The following DCC variants were observed in gnomAD, a reference collection of about 807,000 sequenced individuals.
The protein encoded by DCC is netrin receptor DCC.
A neutral mutation model predicts 172.5 loss-of-function variants in DCC; 58 were observed. That is an observed-to-expected ratio of 0.34 (90% CI 0.27 to 0.42). The LOEUF is 0.42. Among genes scored for constraint, DCC ranks in the 10% least tolerant of loss-of-function variants. The pLI is 1.00. For missense variants in DCC, 1,740 were observed against 1,791.0 expected, an observed-to-expected ratio of 0.97 and a Z score of 0.51; for synonymous variants, 709 against 644.5, an observed-to-expected ratio of 1.10 and a Z score of -1.52.
chr18:53,099,954 TTTTTTTG>T lies in DCC; in HGVS notation c.1261+33792_1261+33798del, dbSNP rs1568304508. ...TCTTTTCTTTCTTTCTTTTTTTTTT[TTTTTTTG>T]TTTGAGACAGAGTCTTGCTTTGTTG... On this transcript the variant is annotated intron_variant, in intron 7 of 28. Transcript: ENST00000442544. Among the ~76,000 whole-genome samples the T allele has an allele frequency of 7.4e-4, 99 of 133,196 alleles. 4 individuals are homozygous for T. Among genetic ancestry groups the T allele is most frequent in the African/African-American group, 2.9e-3 (93 of 32,600 alleles). The allele number at this position is 133,196 out of a possible 152,430, so 87.4% of individuals were successfully genotyped here.
chr18:52,629,971 AAAAAATT>A (rs1314628520), intron 1 of DCC, among the ~76,000 whole-genome samples: 1 of 147,766 alleles, frequency 6.8e-6, no homozygotes, highest in African/African-American at 2.5e-5. Context: ...AAAAAAAAAA[AAAAAATT>A]AGCCAGACAT....
chr18:53,181,032 A>G (rs555696566), intron 9 of DCC, among the ~76,000 whole-genome samples: 2 of 152,340 alleles, frequency 1.3e-5, no homozygotes, highest in Admixed American at 1.3e-4. Context: ...TTACATATAT[A>G]TAATACACAC....
rs538075503 is a variant in DCC, at chr18:52,845,241, C to T, written c.413-60803C>T. Among the ~76,000 whole-genome samples, 7 of 152,336 alleles carry T rather than the reference C, an allele frequency of 4.6e-5. No homozygotes were observed. In the East Asian group the frequency reaches 1.4e-3, roughly 29 times the overall value. On this transcript the variant is annotated intron_variant, in intron 2 of 28. Transcript: ENST00000442544. ...AAAAGGCAATACATCTTAAAGAAGACTGAGCTGCCCAATCAGCTTACTTCA... is the reference window on the plus strand; with the variant it reads ...AAAAGGCAATACATCTTAAAGAAGATTGAGCTGCCCAATCAGCTTACTTCA...
In DCC at chr18:53,450,522, C is replaced by G. The variant is rs759412194; in HGVS notation, c.3252C>G (p.His1084Gln). The change falls in exon 23 of 29, where the codon CAC becomes CAG. Residue 1084 changes from histidine (H) to glutamine (Q), a missense_variant. Transcript: ENST00000442544. ...CAGAGCCGCCAATTGGACAAATGCA[C>G]CCCCCGCATGGCAGTGTCACTCCTC... Reference protein sequence around the residue: ...TLNEPPIGQMHPPHGSVTPQK... With the variant: ...TLNEPPIGQMQPPHGSVTPQK... 5.1e-5 allele frequency: 82 copies of G among 1,613,510 alleles called. No homozygotes were observed. Among genetic ancestry groups the G allele is most frequent in the Non-Finnish European group, 6.5e-5 (77 of 1,179,760 alleles).
intron 1 of DCC, among the ~76,000 whole-genome samples, chr18:52,411,026 G>T (rs371501619): frequency 1.3e-5 from 2 of 152,094 alleles, no homozygotes; most frequent in African/African-American, 4.8e-5. Flanking sequence ...AAGCCATAAA[G>T]AAAGCCAGTT....
intron 5 of DCC, among the ~76,000 whole-genome samples, chr18:53,007,325 C>A (rs1034688889): frequency 6.6e-6 from 1 of 152,044 alleles, no homozygotes; most frequent in Non-Finnish European, 1.5e-5. Flanking sequence ...TGAATGTCAG[C>A]CAATTAAATG....
intron 1 of DCC, among the ~76,000 whole-genome samples, chr18:52,543,855 G>C (rs143798747): frequency 7.2e-5 from 11 of 152,304 alleles, no homozygotes; most frequent in African/African-American, 2.6e-4. Context: ...CTGTGTACCT[G>C]TGTCCTATCA....
intron 1 of DCC, among the ~76,000 whole-genome samples, chr18:52,410,008 C>G (rs1367701811): frequency 2.6e-5 from 4 of 152,098 alleles, no homozygotes; most frequent in Non-Finnish European, 5.9e-5. Context: ...AGCAGCATCA[C>G]CAGGACATCC....
chr18:52,933,163 T>C (rs1037035563), intron 5 of DCC, among the ~76,000 whole-genome samples: 4 of 152,108 alleles, frequency 2.6e-5, no homozygotes, highest in African/African-American at 9.7e-5. Flanking sequence ...TTTCTAGTCC[T>C]AGATATGCAG....
chr18:52,966,458 CT>C, intron 5 of DCC, among the ~76,000 whole-genome samples: 1 of 152,158 alleles, frequency 6.6e-6, no homozygotes. Flanking sequence ...CTTTGTCCAT[CT>C]CTGCTGTGCA....
At chr18:52,601,989 G>T (rs2034027291) in intron 1 of DCC, among the ~76,000 whole-genome samples, 1 of 151,908 alleles carries the variant, frequency 6.6e-6, no homozygotes, top group African/African-American at 2.4e-5. Flanking sequence ...GAATTTCCCT[G>T]ACTTGGGATC....
At chr18:52,745,154 A>G (rs1480864028) in intron 1 of DCC, among the ~76,000 whole-genome samples, 1 of 152,192 alleles carries the variant, frequency 6.6e-6, no homozygotes, top group East Asian at 1.9e-4. Flanking sequence ...TTTCAAAGAG[A>G]AATATATAAT....
At chr18:53,422,519 T>C (rs1172746183) in intron 21 of DCC, among the ~76,000 whole-genome samples, 1 of 152,192 alleles carries the variant, frequency 6.6e-6, no homozygotes, top group Admixed American at 6.6e-5. Flanking sequence ...TCAAGAAAGT[T>C]ATACCTAAAT....
chr18:52,692,264 A>C (rs913323551), intron 1 of DCC, among the ~76,000 whole-genome samples: 80 of 152,252 alleles, frequency 5.3e-4, no homozygotes, highest in African/African-American at 1.9e-3. Flanking sequence ...GATCTTTGCC[A>C]AGTATTTTAC....
In DCC at chr18:52,923,973, G is replaced by T. The variant is rs140870333; in HGVS notation, c.848+116G>T. 5.4e-4 allele frequency: 424 copies of T among 791,034 alleles called. 3 individuals are homozygous for T. The African/African-American group carries it at 6.6e-3, about 12-fold the overall frequency. 49.0% of individuals were successfully genotyped at this position (791,034 alleles called of 1,614,324 possible). Reference sequence around the variant, plus strand: ...AGTACTAGGGTTTTTCATAATAATTGAATATTTTTCCACATTTCTTGGCAT... The same window carrying T: ...AGTACTAGGGTTTTTCATAATAATTTAATATTTTTCCACATTTCTTGGCAT... On this transcript the variant is annotated intron_variant, in intron 4 of 28. Transcript: ENST00000442544.
chr18:53,120,628 G>T (rs760383845), intron 7 of DCC, among the ~76,000 whole-genome samples: 2 of 151,842 alleles, frequency 1.3e-5, no homozygotes, highest in Admixed American at 1.3e-4. Flanking sequence ...AATAATGAAT[G>T]TTGGAATGTT....
intron 14 of DCC, among the ~76,000 whole-genome samples, chr18:53,332,053 A>G (rs2057534618): frequency 6.6e-6 from 1 of 152,178 alleles, no homozygotes; most frequent in Non-Finnish European, 1.5e-5. Flanking sequence ...GCGTGTTGAT[A>G]TTGGGAATTG....
intron 1 of DCC, among the ~76,000 whole-genome samples, chr18:52,468,739 T>C (rs1158790969): frequency 1.3e-5 from 2 of 152,188 alleles, no homozygotes; most frequent in Admixed American, 6.5e-5. Flanking sequence ...TCCTTCCAGA[T>C]TGTCTGATTT....
intron 7 of DCC, among the ~76,000 whole-genome samples, chr18:53,073,020 G>A (rs1307516465): frequency 1.3e-5 from 2 of 152,268 alleles, no homozygotes; most frequent in South Asian, 2.1e-4. Context: ...CATAGTAACT[G>A]CTCAATAAAT....
Sources: allele counts gnomAD v4.1 joint callset (sites outside exome capture counted in the v4.1 genomes callset), GRCh38; gene constraint gnomAD v4.1.1; transcripts MANE v1.5; gene names NCBI Gene and HGNC (gene_info 2026-07-23, HGNC 2026-07-21).